Variants in ANO1 observed in about 807,000 individuals in gnomAD.
The protein encoded by ANO1 is anoctamin 1, also known as anoctamin-1.
Under a neutral mutation model 124.0 loss-of-function variants are expected in ANO1, and 59 were observed. The ratio of observed to expected loss-of-function variants is 0.48; its 90% CI spans 0.39 to 0.59. The LOEUF is 0.59. ANO1 is among the 20% of genes least tolerant of loss of function. ANO1 has a pLI of 0.00. For synonymous variants in ANO1, 529 were observed against 532.0 expected (o/e 0.99, Z 0.08); for missense variants, 1,059 against 1,328.0 (o/e 0.80, Z 3.15).
chr11:70,043,174 A>G (rs1182982703), intron 1 of ANO1, among the ~76,000 whole-genome samples: 2 of 152,202 alleles, frequency 1.3e-5, no homozygotes, highest in African/African-American at 4.8e-5. Context: ...AAAAAATCCA[A>G]ATGGAACTCC....
chr11:69,995,783 G>C (rs117461526), intron 1 of ANO1, among the ~76,000 whole-genome samples: 1 of 152,102 alleles, frequency 6.6e-6, no homozygotes, highest in East Asian at 1.9e-4. Flanking sequence ...CTTCTCCACC[G>C]TCAGGTTACT....
chr11:70,170,442 A>C (rs932889285), intron 21 of ANO1, among the ~76,000 whole-genome samples: 1 of 152,216 alleles, frequency 6.6e-6, no homozygotes, highest in Non-Finnish European at 1.5e-5. Context: ...AAATACAAAA[A>C]TTAAGCAGTC....
At chr11:70,022,485 G>A (rs141675784) in intron 1 of ANO1, among the ~76,000 whole-genome samples, 1,646 of 152,182 alleles carry the variant, frequency 0.011, 12 homozygotes, top group Non-Finnish European at 0.014. Context: ...TCTAGTCCCA[G>A]CTACTTGGGA....
At chr11:70,101,511 A>G (rs142567559) in intron 2 of ANO1, among the ~76,000 whole-genome samples, 25,690 of 146,544 alleles carry the variant, frequency 0.18, 2,589 homozygotes, top group Middle Eastern at 0.26. Flanking sequence ...AGCTGAGAAC[A>G]CGCCACTGCA....
the ANO1 span, among the ~76,000 whole-genome samples, chr11:69,967,590 G>A: frequency 6.6e-6 from 1 of 152,252 alleles, no homozygotes; most frequent in Non-Finnish European, 1.5e-5. Context: ...GGACTCTGGA[G>A]TAGGGAAAGT....
At chr11:70,154,528 G>A (rs931824158) in intron 14 of ANO1, among the ~76,000 whole-genome samples, 5 of 146,310 alleles carry the variant, frequency 3.4e-5, no homozygotes, top group Admixed American at 7.0e-5. Context: ...GTGCAGTGGC[G>A]CGATCTCAGC....
upstream of ANO1, among the ~76,000 whole-genome samples, chr11:70,077,283 A>G (rs1219734530): frequency 6.6e-6 from 1 of 152,220 alleles, no homozygotes; most frequent in Non-Finnish European, 1.5e-5. Context: ...TTCTTTGGAT[A>G]GACAGGAAGG....
chr11:70,021,436 A>C (rs1359641102), intron 1 of ANO1, among the ~76,000 whole-genome samples: 1 of 149,378 alleles, frequency 6.7e-6, no homozygotes, highest in Non-Finnish European at 1.5e-5. Context: ...TACCAACTTC[A>C]GTTTTTAGAA....
chr11:69,984,829 T>C (rs1329381151), upstream of ANO1, among the ~76,000 whole-genome samples: 1 of 152,234 alleles, frequency 6.6e-6, no homozygotes, highest in Admixed American at 6.5e-5. Context: ...GGTGCAGAAG[T>C]TGTCAGATGA....
At chr11:70,167,184 C>T (rs1252647156) in intron 20 of ANO1, 58 bp from the exon 21 acceptor site, 1 of 1,592,738 alleles carries the variant, frequency 6.3e-7, no homozygotes, top group Non-Finnish European at 8.5e-7. Flanking sequence ...AGGTGCCAGA[C>T]CCAAGCCCCC....
At chr11:70,060,056 C>CT (rs1419013737) in intron 1 of ANO1, among the ~76,000 whole-genome samples, 1 of 147,556 alleles carries the variant, frequency 6.8e-6, no homozygotes, top group African/African-American at 2.5e-5. Context: ...TGACTCCAGC[C>CT]TTGGCGGCAG....
At position 70,040,295 on chromosome 11, in the gene ANO1, GATGT is replaced by G. The variant is rs142902303; in HGVS notation, c.59-38246_59-38243del. Among the ~76,000 whole-genome samples the G allele has an allele frequency of 1.9e-3, 289 of 152,214 alleles. 3 individuals carry two copies. Among genetic ancestry groups the G allele is most frequent in the Non-Finnish European group, 2.2e-3 (153 of 68,010 alleles). ...AGGTTTTGTGTCTTACTAAGGTTTT[GATGT>G]GCAGCAAGAGAAAGACAAAGGGCCC... On this transcript the variant is annotated intron_variant, in intron 1 of 27. Transcript: ENST00000531349.
At chr11:70,067,112 C>T (rs2135128021) in intron 1 of ANO1, among the ~76,000 whole-genome samples, 1 of 152,244 alleles carries the variant, frequency 6.6e-6, no homozygotes, top group South Asian at 2.1e-4. Flanking sequence ...ATCAAGCAGT[C>T]ATGAAGGGCC....
At chr11:70,107,989 A>C (rs2045625553) in intron 5 of ANO1, among the ~76,000 whole-genome samples, 1 of 152,142 alleles carries the variant, frequency 6.6e-6, no homozygotes, top group Non-Finnish European at 1.5e-5. Flanking sequence ...GCACGAGGGG[A>C]CCGTAAATCC....
chr11:70,172,865 CAA>C (rs59435571), intron 22 of ANO1, among the ~76,000 whole-genome samples: 1 of 140,000 alleles, frequency 7.1e-6, no homozygotes, highest in Non-Finnish European at 1.6e-5. Flanking sequence ...GACTCCATCT[CAA>C]AAAAAAAAAA....
At chr11:70,048,043 A>G (rs1447269721) in intron 1 of ANO1, among the ~76,000 whole-genome samples, 3 of 152,254 alleles carry the variant, frequency 2.0e-5, no homozygotes. Context: ...GTCCAAATTT[A>G]AAATAAAATG....
At chr11:70,035,061 C>T (rs1422771808) in intron 1 of ANO1, among the ~76,000 whole-genome samples, 12 of 152,084 alleles carry the variant, frequency 7.9e-5, no homozygotes, top group Non-Finnish European at 1.6e-4. Context: ...ACTCCAAGGA[C>T]CAGGGGTGCA....
the ANO1 span, among the ~76,000 whole-genome samples, chr11:69,978,026 G>T: frequency 2.6e-5 from 4 of 152,264 alleles, no homozygotes; most frequent in South Asian, 8.3e-4. Flanking sequence ...AGGCGGGGCC[G>T]GTGTCCCCAG....
At chr11:70,014,600 T>G (rs949367856) in intron 1 of ANO1, among the ~76,000 whole-genome samples, 60 of 152,178 alleles carry the variant, frequency 3.9e-4, no homozygotes, top group African/African-American at 1.4e-3. Flanking sequence ...TGCTGCTCTA[T>G]CTGGTGGTCT....
Sources: allele counts gnomAD v4.1 joint callset (sites outside exome capture counted in the v4.1 genomes callset), GRCh38; gene constraint gnomAD v4.1.1; transcripts MANE v1.5; gene names NCBI Gene and HGNC (gene_info 2026-07-23, HGNC 2026-07-21).